TENM4: variants seen among roughly 807,000 people sequenced by gnomAD.
TENM4 encodes the protein teneurin transmembrane protein 4, also known as teneurin-4.
Under a neutral mutation model 243.3 loss-of-function variants are expected in TENM4, and 82 were observed. That is an observed-to-expected ratio of 0.34 (90% CI 0.28 to 0.40). TENM4 has a LOEUF of 0.40. Among genes scored for constraint, TENM4 ranks in the 10% least tolerant of loss-of-function variants. The pLI, the probability that TENM4 is intolerant of heterozygous loss-of-function variation, is 1.00. For synonymous variants in TENM4, 1,412 were observed against 1,456.3 expected (o/e 0.97, Z 0.69); for missense variants, 3,138 against 3,673.3 (o/e 0.85, Z 3.77).
rs920186142 is a variant in TENM4, at chr11:79,440,101, C to T, written c.-321+408G>A. ...CCGCCTCGCGGGCTCCTCCAGCGCCCGACGGGGGCCTGGGGCGAGCTAGTC... is the reference window on the plus strand; with the variant it reads ...CCGCCTCGCGGGCTCCTCCAGCGCCTGACGGGGGCCTGGGGCGAGCTAGTC... On this transcript the variant is annotated intron_variant, in intron 1 of 33. Coordinates refer to ENST00000278550, the MANE Select transcript of TENM4 (RefSeq NM_001098816.3). This position sits in a 1 kb window ranked among gnomAD's most constrained non-coding sequence, Gnocchi z 4.7. 2.0e-4 allele frequency among the ~76,000 whole-genome samples: 31 copies of T among 152,224 alleles called. No individual in the cohort carries two copies. Among genetic ancestry groups the T allele is most frequent in the Admixed American group, 3.3e-4 (5 of 15,302 alleles).
chr11:79,398,753 A>G (rs1858398263), intron 1 of TENM4, among the ~76,000 whole-genome samples: 1 of 98,868 alleles, frequency 1.0e-5, no homozygotes, highest in Non-Finnish European at 2.0e-5. Context: ...AAAAAAAAAA[A>G]AAAAAAGAGT....
intron 32 of TENM4, among the ~76,000 whole-genome samples, chr11:78,668,613 C>T (rs530285122): frequency 6.6e-5 from 10 of 152,206 alleles, no homozygotes; most frequent in South Asian, 2.1e-4. Context: ...AGGGCTTTTA[C>T]GGTCAAATAA....
At chr11:79,195,717 A>G (rs565676620) in intron 3 of TENM4, among the ~76,000 whole-genome samples, 1 of 152,294 alleles carries the variant, frequency 6.6e-6, no homozygotes, top group Admixed American at 6.5e-5. Context: ...CATAGGTGGA[A>G]GGGACTTGCC....
intron 1 of TENM4, among the ~76,000 whole-genome samples, chr11:79,311,057 C>T (rs915385558): frequency 1.3e-5 from 2 of 152,152 alleles, no homozygotes; most frequent in African/African-American, 4.8e-5. Flanking sequence ...CTAATACTAA[C>T]GATTCAAATA....
At chr11:79,249,216 A>G (rs1855569752) in intron 2 of TENM4, among the ~76,000 whole-genome samples, 1 of 152,174 alleles carries the variant, frequency 6.6e-6, no homozygotes, top group South Asian at 2.1e-4. Context: ...TTAAATCCTC[A>G]CATAAACTAT....
chr11:78,960,702 G>C (rs1025110089), intron 6 of TENM4, among the ~76,000 whole-genome samples: 4 of 152,148 alleles, frequency 2.6e-5, no homozygotes, highest in African/African-American at 9.7e-5. Flanking sequence ...AATTCTCTTA[G>C]GCAGAGTAGA....
intron 6 of TENM4, among the ~76,000 whole-genome samples, chr11:79,052,212 T>C (rs774359070): frequency 4.6e-5 from 7 of 152,250 alleles, no homozygotes; most frequent in Non-Finnish European, 1.0e-4. Context: ...TCTTCCAAAA[T>C]GGTTCAACTA....
At chr11:78,800,034 G>A (rs1380829561) in intron 15 of TENM4, among the ~76,000 whole-genome samples, 1 of 152,184 alleles carries the variant, frequency 6.6e-6, no homozygotes, top group African/African-American at 2.4e-5. Context: ...CTAAGGGATG[G>A]CTTTTGAAAG....
chr11:79,274,571 T>A (rs1174403950), intron 2 of TENM4, among the ~76,000 whole-genome samples: 5 of 152,098 alleles, frequency 3.3e-5, no homozygotes, highest in Non-Finnish European at 1.5e-5. Context: ...TATGGTGAAG[T>A]GGAAGGCAGG....
intron 6 of TENM4, among the ~76,000 whole-genome samples, chr11:79,045,348 C>G (rs1200478278): frequency 6.6e-6 from 1 of 151,990 alleles, no homozygotes; most frequent in Non-Finnish European, 1.5e-5. Flanking sequence ...GAGTTGGAAG[C>G]TGAATTAAGG....
intron 25 of TENM4, among the ~76,000 whole-genome samples, chr11:78,715,414 G>A (rs1472163751): frequency 1.3e-5 from 2 of 152,134 alleles, no homozygotes; most frequent in African/African-American, 2.4e-5. Context: ...TATGGTGAGG[G>A]GGCCCTGTCC....
chr11:79,414,775 A>C (rs940030533), intron 1 of TENM4, among the ~76,000 whole-genome samples: 3 of 152,270 alleles, frequency 2.0e-5, no homozygotes, highest in Admixed American at 1.3e-4. Context: ...GAGCAGAGAC[A>C]TGGAACCCAA....
chr11:78,677,456 A>G (rs909956156), intron 29 of TENM4, among the ~76,000 whole-genome samples: 3 of 151,994 alleles, frequency 2.0e-5, no homozygotes, highest in Non-Finnish European at 4.4e-5. Flanking sequence ...AGGTTTCAAT[A>G]TTTGACCAGG....
At chr11:79,104,605 C>T (rs992059779) in intron 4 of TENM4, among the ~76,000 whole-genome samples, 1 of 152,210 alleles carries the variant, frequency 6.6e-6, no homozygotes, top group Admixed American at 6.5e-5. Context: ...TTAACCGGAC[C>T]CTGCAGGTGG....
intron 6 of TENM4, among the ~76,000 whole-genome samples, chr11:78,943,019 G>A (rs1260847858): frequency 6.6e-6 from 1 of 152,094 alleles, no homozygotes; most frequent in Admixed American, 6.5e-5. Flanking sequence ...CTCAAGAGTC[G>A]GTGCATGGTC....
At chr11:79,375,538 A>C (rs1590921186) in intron 1 of TENM4, among the ~76,000 whole-genome samples, 1 of 152,180 alleles carries the variant, frequency 6.6e-6, no homozygotes, top group East Asian at 1.9e-4. Context: ...TGAATGTATG[A>C]TTATCCTCCT....
chr11:78,804,489 C>T (rs1857348786), intron 15 of TENM4, among the ~76,000 whole-genome samples: 1 of 152,134 alleles, frequency 6.6e-6, no homozygotes, highest in African/African-American at 2.4e-5. Context: ...GAGACGTGAC[C>T]ATAACCCACT....
At chr11:78,866,899 T>C (rs1272838843) in intron 9 of TENM4, among the ~76,000 whole-genome samples, 5 of 152,180 alleles carry the variant, frequency 3.3e-5, no homozygotes, top group African/African-American at 7.2e-5. Context: ...AGGAGTAGGA[T>C]GAAGCAGAGA....
intron 1 of TENM4, among the ~76,000 whole-genome samples, chr11:79,333,355 ATCT>A (rs1427086055): frequency 6.6e-6 from 1 of 152,126 alleles, no homozygotes; most frequent in Non-Finnish European, 1.5e-5. Flanking sequence ...CTTTGCCATC[ATCT>A]TCTTTTTTAG....
Sources: allele counts gnomAD v4.1 joint callset (sites outside exome capture counted in the v4.1 genomes callset), GRCh38; gene constraint gnomAD v4.1.1; non-coding constraint Gnocchi (gnomAD v3.1); transcripts MANE v1.5; gene names NCBI Gene and HGNC (gene_info 2026-07-23, HGNC 2026-07-21).